Variants in KCNN3 observed in about 807,000 individuals in gnomAD.
KCNN3 encodes the protein small conductance calcium-activated potassium channel protein 3.
A neutral mutation model predicts 62.9 loss-of-function variants in KCNN3; 16 were observed. The observed-to-expected ratio is 0.25, with a 90% CI of 0.17 to 0.39. KCNN3 has a LOEUF of 0.39. KCNN3 is among the 10% of genes least tolerant of loss of function. KCNN3 has a pLI of 1.00. For synonymous variants in KCNN3, 370 were observed against 389.2 expected (o/e 0.95, Z 0.58); for missense variants, 599 against 949.4 (o/e 0.63, Z 4.85).
At chr1:154,799,666 G>C (rs1017914782) in intron 2 of KCNN3, among the ~76,000 whole-genome samples, 1 of 152,198 alleles carries the variant, frequency 6.6e-6, no homozygotes, top group Non-Finnish European at 1.5e-5. Context: ...AAAGCAAGGA[G>C]AGCCTCCACT....
At chr1:154,815,627 A>G (rs1373176902) in intron 2 of KCNN3, among the ~76,000 whole-genome samples, 3 of 152,222 alleles carry the variant, frequency 2.0e-5, no homozygotes, top group Non-Finnish European at 2.9e-5. Flanking sequence ...CCTACAATAA[A>G]TGTTTGTTGA....
intron 1 of KCNN3, among the ~76,000 whole-genome samples, chr1:154,834,640 T>C (rs1467051803): frequency 6.6e-6 from 1 of 152,196 alleles, no homozygotes. Flanking sequence ...TACAAGGACT[T>C]ACTGAGTACC....
chr1:154,857,021 C>T (rs968503707), intron 1 of KCNN3, among the ~76,000 whole-genome samples: 1 of 152,108 alleles, frequency 6.6e-6, no homozygotes, highest in Non-Finnish European at 1.5e-5. Context: ...CCTTGTCTCT[C>T]GCAAAGCTCA....
chr1:154,728,491 T>C (rs972370345), intron 4 of KCNN3, among the ~76,000 whole-genome samples: 2 of 152,070 alleles, frequency 1.3e-5, no homozygotes, highest in Admixed American at 1.3e-4. Context: ...CTAATAAAGA[T>C]GGGGCCAGAC....
At chr1:154,753,009 G>C (rs933907163) in intron 3 of KCNN3, among the ~76,000 whole-genome samples, 1 of 152,100 alleles carries the variant, frequency 6.6e-6, no homozygotes, top group African/African-American at 2.4e-5. Context: ...TCTAATTTCT[G>C]AAATAATGAA....
intron 1 of KCNN3, among the ~76,000 whole-genome samples, chr1:154,864,594 C>T (rs1011674490): frequency 3.3e-5 from 5 of 152,342 alleles, no homozygotes; most frequent in East Asian, 1.9e-4. Flanking sequence ...CCTGGGCATA[C>T]GGAGAAGCGG....
Position 154,869,759 on chromosome 1 carries a change from T to TGCTGCTGCTGCTGAA in KCNN3, c.205_206insTTCAGCAGCAGCAGC (p.Gln68_Gln69insLeuGlnGlnGlnGln). ...CTGCTGCTGCTGCTGCTGCTGCTGC[T>TGCTGCTGCTGCTGAA]GCTGCTGAAGCTGCGGAGGCTGAGG... On this transcript the variant is annotated inframe_insertion, in exon 1 of 8. Transcript: ENST00000271915. The surrounding 1 kb of genome is among the most constrained non-coding windows in gnomAD (Gnocchi z 6.1). The TGCTGCTGCTGCTGAA allele has an allele frequency of 6.6e-7, 1 of 1,522,116 alleles. No homozygotes were observed. The highest frequency in any genetic ancestry group is 1.2e-5 in the South Asian group (1 of 82,066). 94.3% of individuals were successfully genotyped at this position (1,522,116 alleles called of 1,614,324 possible). A position where few individuals can be genotyped will look rare whatever the true frequency, so the allele number is the denominator to read the frequency against.
rs979677542 is a variant in KCNN3 at position 154,815,966 on chromosome 1, C to T, written c.1029+6123G>A. Reference sequence around the variant, plus strand: ...CATGTCCCTGTGACAGCACATTACACGCACCCAGGAGGACACTCCCATCCA... The same window carrying T: ...CATGTCCCTGTGACAGCACATTACATGCACCCAGGAGGACACTCCCATCCA... On this transcript the variant is annotated intron_variant, in intron 2 of 7. Transcript: ENST00000271915. Among the ~76,000 whole-genome samples the T allele has an allele frequency of 1.2e-4, 19 of 152,326 alleles. No individual in the cohort carries two copies. In the East Asian group the frequency reaches 1.9e-3, roughly 15 times the overall value.
intron 1 of KCNN3, among the ~76,000 whole-genome samples, chr1:154,827,965 C>A (rs924120155): frequency 1.3e-4 from 20 of 152,078 alleles, no homozygotes; most frequent in Non-Finnish European, 2.8e-4. Flanking sequence ...TCACTCAGAC[C>A]CTCTCTCTCC....
At chr1:154,867,317 C>A (rs6692661) in intron 1 of KCNN3, among the ~76,000 whole-genome samples, 10,381 of 152,252 alleles carry the variant, frequency 0.068, 688 homozygotes, top group African/African-American at 0.18. Flanking sequence ...GTGAGCTGCG[C>A]TTCCAAGGGA....
intron 5 of KCNN3, among the ~76,000 whole-genome samples, chr1:154,720,971 G>A (rs967451463): frequency 2.6e-5 from 4 of 152,220 alleles, no homozygotes; most frequent in African/African-American, 9.7e-5. Flanking sequence ...ATGGGGCTAA[G>A]TCTTTAGGCC....
At chr1:154,801,480 A>T (rs1048419521) in intron 2 of KCNN3, among the ~76,000 whole-genome samples, 2 of 152,210 alleles carry the variant, frequency 1.3e-5, no homozygotes, top group African/African-American at 4.8e-5. Context: ...CTTCCCCAAG[A>T]GCCTACGCCA....
rs559995539 is a variant in KCNN3, at chr1:154,805,567, T to C, written c.1029+16522A>G. 7.4e-4 allele frequency among the ~76,000 whole-genome samples: 112 copies of C among 152,324 alleles called. 2 individuals carry two copies. Among genetic ancestry groups the C allele is most frequent in the Middle Eastern group, 3.4e-3 (1 of 294 alleles). On this transcript the variant is annotated intron_variant, in intron 2 of 7. Coordinates refer to ENST00000271915, the MANE Select transcript of KCNN3 (RefSeq NM_002249.6). The stretch of plus-strand genomic sequence containing the variant: ...CTAAAACGGTGTGTGGGGATTCCAA[T>C]GGGTGGGCTCTTTTGATCTCTACTT...
At chr1:154,817,329 C>G (rs184669594) in intron 2 of KCNN3, among the ~76,000 whole-genome samples, 2 of 152,224 alleles carry the variant, frequency 1.3e-5, no homozygotes, top group Admixed American at 1.3e-4. Flanking sequence ...GGATTAAATA[C>G]CAGAGGAAAG....
intron 3 of KCNN3, among the ~76,000 whole-genome samples, chr1:154,761,664 C>T (rs191046675): frequency 6.6e-6 from 1 of 152,086 alleles, no homozygotes; most frequent in African/African-American, 2.4e-5. Flanking sequence ...TTAGGCCGGG[C>T]GCGGTGGCTC....
intron 5 of KCNN3, among the ~76,000 whole-genome samples, chr1:154,723,322 T>C (rs1389421427): frequency 6.6e-6 from 1 of 152,228 alleles, no homozygotes; most frequent in Non-Finnish European, 1.5e-5. Flanking sequence ...ATATTAGATA[T>C]TAAAGAGACA....
chr1:154,814,336 C>T (rs1330190872), intron 2 of KCNN3, among the ~76,000 whole-genome samples: 1 of 152,230 alleles, frequency 6.6e-6, no homozygotes, highest in East Asian at 1.9e-4. Flanking sequence ...ACTCTCATGC[C>T]TTTGGGGGTC....
rs1280339013 is a variant in KCNN3 at position 154,697,958 on chromosome 1, C to T, written c.*10018G>A. 1 of 152,022 alleles carries T rather than the reference C, an allele frequency of 6.6e-6. No individual in the cohort carries two copies. Among genetic ancestry groups the T allele is most frequent in the Non-Finnish European group, 1.5e-5 (1 of 68,010 alleles). 9.4% of individuals were successfully genotyped at this position (152,022 alleles called of 1,614,324 possible). A position where few individuals can be genotyped will look rare whatever the true frequency, so the allele number is the denominator to read the frequency against. ...TACAGGGTGATGACTAATATATTGG[C>T]ATTTGAGATCCTTAGATGAAAGGTA... On this transcript the variant is annotated 3_prime_UTR_variant, in exon 8 of 8. Coordinates refer to ENST00000271915, the MANE Select transcript of KCNN3 (RefSeq NM_002249.6).
At chr1:154,844,760 C>T (rs1015845063) in intron 1 of KCNN3, among the ~76,000 whole-genome samples, 9 of 152,210 alleles carry the variant, frequency 5.9e-5, no homozygotes, top group Admixed American at 6.5e-5. Flanking sequence ...AATCCCAGCA[C>T]TTTGGGAGGC....
Sources: allele counts gnomAD v4.1 joint callset (sites outside exome capture counted in the v4.1 genomes callset), GRCh38; gene constraint gnomAD v4.1.1; non-coding constraint Gnocchi (gnomAD v3.1); transcripts MANE v1.5; gene names NCBI Gene and HGNC (gene_info 2026-07-23, HGNC 2026-07-21).